The following SLC39A14 variants were observed in gnomAD, a reference collection of about 807,000 sequenced individuals.
SLC39A14 encodes the protein metal cation symporter ZIP14.
SLC39A14 carries 19 observed loss-of-function variants against 45.5 expected under a neutral mutation model. The observed-to-expected ratio is 0.42, with a 90% CI of 0.29 to 0.61. SLC39A14 has a LOEUF of 0.61. SLC39A14 is among the 20% of genes least tolerant of loss of function. The pLI, the probability that SLC39A14 is intolerant of heterozygous loss-of-function variation, is 0.22. For missense variants in SLC39A14, 447 were observed against 616.5 expected (o/e 0.73, Z 2.91); for synonymous variants, 264 against 251.3 (o/e 1.05, Z -0.48).
At chr8:22,368,484 C>CTATTT (rs1832752756) in intron 1 of SLC39A14, among the ~76,000 whole-genome samples, 12 of 148,822 alleles carry the variant, frequency 8.1e-5, no homozygotes, top group Admixed American at 6.7e-4. Flanking sequence ...TAATCCTTCC[C>CTATTT]TCTTTTATTT....
chr8:22,399,505 G>T (rs1292871575), intron 1 of SLC39A14, among the ~76,000 whole-genome samples: 1 of 152,230 alleles, frequency 6.6e-6, no homozygotes, highest in Non-Finnish European at 1.5e-5. Flanking sequence ...CAGGGGGGCT[G>T]TGCTCGCTGA....
At chr8:22,423,497 A>C (rs1054468226), downstream of SLC39A14, among the ~76,000 whole-genome samples, 3 of 151,776 alleles carry the variant, frequency 2.0e-5, no homozygotes, top group African/African-American at 7.3e-5. Context: ...CACCACGCCC[A>C]GCTAATTTTT....
intron 1 of SLC39A14, among the ~76,000 whole-genome samples, chr8:22,399,585 T>C (rs1490339222): frequency 3.9e-5 from 6 of 152,226 alleles, no homozygotes. Flanking sequence ...CAGTGCCCAG[T>C]GCAGCACACG....
chr8:22,377,521 G>GTA (rs1833281266), intron 1 of SLC39A14, among the ~76,000 whole-genome samples: 1 of 152,120 alleles, frequency 6.6e-6, no homozygotes, highest in African/African-American at 2.4e-5. Flanking sequence ...GCACCTATCT[G>GTA]TATATATGTA....
intron 1 of SLC39A14, chr8:22,398,840 C>G (rs1586699564): frequency 1.4e-6 from 1 of 699,172 alleles, no homozygotes. Flanking sequence ...GGTAAGGCAA[C>G]TTCTGCGCTT....
At chr8:22,425,056 A>T (rs143816245), downstream of SLC39A14, among the ~76,000 whole-genome samples, 85 of 149,770 alleles carry the variant, frequency 5.7e-4, 2 homozygotes, top group East Asian at 0.012. Context: ...AAAAAGACTA[A>T]ATGAAATGTC....
intron 1 of SLC39A14, among the ~76,000 whole-genome samples, chr8:22,384,817 A>G (rs1397000984): frequency 2.0e-5 from 3 of 151,810 alleles, no homozygotes; most frequent in Non-Finnish European, 4.4e-5. Flanking sequence ...TGGGAGGCCA[A>G]GGCAGGTGGA....
intron 1 of SLC39A14, among the ~76,000 whole-genome samples, chr8:22,401,247 T>C (rs1466352367): frequency 6.6e-6 from 1 of 152,218 alleles, no homozygotes; most frequent in African/African-American, 2.4e-5. Flanking sequence ...GCAAGCCTGC[T>C]CTCAGCCACT....
At chr8:22,399,203 C>T (rs1251791718) in intron 1 of SLC39A14, among the ~76,000 whole-genome samples, 1 of 152,202 alleles carries the variant, frequency 6.6e-6, no homozygotes, top group East Asian at 1.9e-4. Flanking sequence ...CGTGGGGCTT[C>T]CTCCTGCAGC....
At position 22,422,522 on chromosome 8, in the gene SLC39A14, ATTG is replaced by A. The variant is rs2132392361; in HGVS notation, c.*2827_*2829del. 3 of 985,668 alleles carry A rather than the reference ATTG, an allele frequency of 3.0e-6. No homozygotes were observed. Among genetic ancestry groups the A allele is most frequent in the South Asian group, 9.4e-5 (2 of 21,274 alleles). The allele number at this position is 985,668 out of a possible 1,614,324, so 61.1% of individuals were successfully genotyped here. On this transcript the variant is annotated 3_prime_UTR_variant, in exon 9 of 9. Transcript: ENST00000381237. ...TTTTTGCAAGAGAGGTTAGGATTTT[ATTG>A]TTCTTATTTCCCTTTACAGTTCTGC...
rs147439380 is a variant in SLC39A14, at chr8:22,400,190, G to A, written c.-15-4506G>A. On this transcript the variant is annotated intron_variant, in intron 1 of 8. Transcript: ENST00000381237. Reference sequence around the variant, plus strand: ...TGGTTAAGAAAGCACTGAATTTAACGTCATTCAGACCAGGCTTTGATTTAC... The same window carrying A: ...TGGTTAAGAAAGCACTGAATTTAACATCATTCAGACCAGGCTTTGATTTAC... Among the ~76,000 whole-genome samples, 34 of 152,292 alleles carry A rather than the reference G, an allele frequency of 2.2e-4. No homozygotes were observed. The East Asian group carries it at 2.3e-3, about 10-fold the overall frequency.
At chr8:22,411,220 G>T (rs545411479) in intron 3 of SLC39A14, among the ~76,000 whole-genome samples, 1 of 152,318 alleles carries the variant, frequency 6.6e-6, no homozygotes, top group African/African-American at 2.4e-5. Flanking sequence ...CCACCCCTGT[G>T]GCCTGCCAGG....
Position 22,396,874 on chromosome 8 carries a change from C to T in SLC39A14, c.-15-7822C>T, listed in dbSNP as rs1255195345. Among the ~76,000 whole-genome samples the T allele has an allele frequency of 3.3e-5, 5 of 152,068 alleles. No homozygotes were observed. In the East Asian group the frequency reaches 9.6e-4, roughly 29 times the overall value. ...GGCCAGGAATAGAACATGAGCCATG[C>T]GTGGTGCCTCCTTCCTTTTTCCTTG... On this transcript the variant is annotated intron_variant, in intron 1 of 8. Transcript: ENST00000381237.
At chr8:22,415,124 A>C (rs994270657) in intron 5 of SLC39A14, 1 of 538,180 alleles carries the variant, frequency 1.9e-6, no homozygotes, top group African/African-American at 1.9e-5. Context: ...CCTTCTACTA[A>C]GCAGTAGTTT....
At chr8:22,428,814 T>C (rs988655021) in intron 8 of SLC39A14, among the ~76,000 whole-genome samples, 1 of 152,202 alleles carries the variant, frequency 6.6e-6, no homozygotes, top group Non-Finnish European at 1.5e-5. Context: ...ATCTAACTGA[T>C]GATTTTGTTT....
At position 22,395,077 on chromosome 8, in the gene SLC39A14, T is replaced by C. The variant is rs189737793; in HGVS notation, c.-15-9619T>C. On this transcript the variant is annotated intron_variant, in intron 1 of 8. Coordinates refer to ENST00000381237, the MANE Select transcript of SLC39A14 (RefSeq NM_001128431.4). ...CAGCCTGGAGTGCAGTGGTGCAATA[T>C]TGGCTCACTGCAACCTTCGCCTCCC... Among the ~76,000 whole-genome samples the C allele has an allele frequency of 1.8e-4, 28 of 152,088 alleles. 1 individual carries two copies. The East Asian group carries it at 4.4e-3, about 24-fold the overall frequency.
intron 1 of SLC39A14, among the ~76,000 whole-genome samples, chr8:22,393,639 G>T (rs1165738975): frequency 2.6e-5 from 4 of 152,124 alleles, no homozygotes; most frequent in African/African-American, 7.2e-5. Context: ...GGCAGTTTCC[G>T]TAGCCAAATG....
chr8:22,381,357 G>A (rs186615994), intron 1 of SLC39A14, among the ~76,000 whole-genome samples: 4 of 151,544 alleles, frequency 2.6e-5, no homozygotes, highest in Non-Finnish European at 5.9e-5. Context: ...GGCAAGCTCC[G>A]CCTCCCGGGT....
Position 22,421,268 on chromosome 8 carries a change from G to A in SLC39A14, c.*1570G>A, listed in dbSNP as rs1051638. On this transcript the variant is annotated 3_prime_UTR_variant, in exon 9 of 9. Coordinates refer to ENST00000381237, the MANE Select transcript of SLC39A14 (RefSeq NM_001128431.4). ...TTTCTCTTACATAGAAAAACTGTCC[G>A]CTCTCAGTAATCACAAGCAGCATCC... 0.39 allele frequency: 380,220 copies of A among 985,270 alleles called. 78,974 individuals carry two copies. The highest frequency in any genetic ancestry group is 0.77 in the African/African-American group (43,899 of 57,266). 61.0% of individuals were successfully genotyped at this position (985,270 alleles called of 1,614,324 possible).
Sources: allele counts gnomAD v4.1 joint callset (sites outside exome capture counted in the v4.1 genomes callset), GRCh38; gene constraint gnomAD v4.1.1; transcripts MANE v1.5; gene names NCBI Gene and HGNC (gene_info 2026-07-23, HGNC 2026-07-21).